The following NRG2 variants were observed in gnomAD, a reference collection of about 807,000 sequenced individuals.
NRG2 encodes neuregulin 2, also known as pro-neuregulin-2, membrane-bound isoform.
Under a neutral mutation model 73.9 loss-of-function variants are expected in NRG2, and 27 were observed. The ratio of observed to expected loss-of-function variants is 0.37; its 90% CI spans 0.27 to 0.50. The LOEUF (loss-of-function observed/expected upper bound fraction) is 0.50, where lower values mean the gene tolerates loss of function less well. Ranked by LOEUF, NRG2 falls within the 20% of genes least tolerant of loss-of-function variation. The probability of loss-of-function intolerance (pLI) is 0.96; values close to 1 mark genes in which losing one functional copy is unlikely to be tolerated. For missense variants in NRG2, 1,126 were observed against 1,210.1 expected (o/e 0.93, Z 1.03); for synonymous variants, 532 against 541.0 (o/e 0.98, Z 0.23).
At chr5:139,989,964 A>G (rs1010497145) in intron 1 of NRG2, among the ~76,000 whole-genome samples, 5 of 150,284 alleles carry the variant, frequency 3.3e-5, no homozygotes, top group Non-Finnish European at 5.9e-5. Flanking sequence ...AATTTTTTGT[A>G]TTTTTAGTAG....
intron 5 of NRG2, chr5:139,859,961 GAGAC>G (rs745516214): frequency 1.4e-5 from 23 of 1,587,548 alleles, no homozygotes; most frequent in Non-Finnish European, 2.0e-5. Context: ...TGGAGGGAGA[GAGAC>G]AGGTGGGTGG....
intron 3 of NRG2, among the ~76,000 whole-genome samples, chr5:139,879,493 A>AAC (rs1194532347): frequency 6.6e-6 from 1 of 152,210 alleles, no homozygotes; most frequent in African/African-American, 2.4e-5. Context: ...GAATGAGGCC[A>AAC]ACACATAGTG....
At chr5:139,876,869 G>C (rs1035216717) in intron 3 of NRG2, among the ~76,000 whole-genome samples, 2 of 151,964 alleles carry the variant, frequency 1.3e-5, no homozygotes, top group African/African-American at 4.8e-5. Flanking sequence ...CCAGAGCTCA[G>C]AGCAAGATCT....
intron 3 of NRG2, among the ~76,000 whole-genome samples, chr5:139,879,384 C>A (rs1326632617): frequency 6.6e-6 from 1 of 152,200 alleles, no homozygotes; most frequent in African/African-American, 2.4e-5. Flanking sequence ...AGAGACGCTG[C>A]AGTGGGTTGG....
chr5:139,862,627 A>G (rs575103331), intron 5 of NRG2, among the ~76,000 whole-genome samples: 51 of 152,266 alleles, frequency 3.3e-4, no homozygotes, highest in Non-Finnish European at 6.9e-4. Context: ...TGCCTGGACA[A>G]GGAGGCAGTG....
At chr5:139,900,616 C>T (rs771218935) in intron 1 of NRG2, among the ~76,000 whole-genome samples, 56 of 152,154 alleles carry the variant, frequency 3.7e-4, no homozygotes, top group Non-Finnish European at 6.0e-4. Context: ...TTCCTAAGCC[C>T]CTCTTCCATA....
chr5:140,018,551 C>T (rs1374801333), intron 1 of NRG2, among the ~76,000 whole-genome samples: 1 of 152,206 alleles, frequency 6.6e-6, no homozygotes, highest in Non-Finnish European at 1.5e-5. Context: ...AGCCTGGAAT[C>T]GAGGGCAGTT....
rs1339072505 is a variant in NRG2 at position 139,852,210 on chromosome 5, AG to A, written c.1544+221del. ...CCCTGACTATTTCCTGGTGCTCCCG[AG>A]GGAAGAAGGGAGCCAGCCATGTTAT... On this transcript the variant is annotated intron_variant, in intron 8 of 9. Coordinates refer to ENST00000361474, the MANE Select transcript of NRG2 (RefSeq NM_004883.3). The surrounding 1 kb of genome is among the most constrained non-coding windows in gnomAD (Gnocchi z 4.4). 6.6e-6 allele frequency among the ~76,000 whole-genome samples: 1 copy of A among 152,116 alleles called. No individual in the cohort carries two copies. Among genetic ancestry groups the A allele is most frequent in the Non-Finnish European group, 1.5e-5 (1 of 68,016 alleles).
chr5:139,856,068 G>A lies in NRG2; in HGVS notation c.1190-290C>T, dbSNP rs191257395. ...AGAGCACATGAGTGGAAAATGCAGG[G>A]GAATGGGAAGGGATGGAGTGGAGGC... is the stretch of plus-strand genomic sequence containing the variant. On this transcript the variant is annotated intron_variant, in intron 5 of 9. Coordinates refer to ENST00000361474, the MANE Select transcript of NRG2 (RefSeq NM_004883.3). The surrounding 1 kb of genome is among the most constrained non-coding windows in gnomAD (Gnocchi z 4.2). 2 of 430,494 alleles carry A rather than the reference G, an allele frequency of 4.6e-6. No individual in the cohort carries two copies. The highest frequency in any genetic ancestry group is 3.9e-5 in the African/African-American group (2 of 50,970). 26.7% of individuals were successfully genotyped at this position (430,494 alleles called of 1,614,324 possible). A position where few individuals can be genotyped will look rare whatever the true frequency, so the allele number is the denominator to read the frequency against.
intron 1 of NRG2, among the ~76,000 whole-genome samples, chr5:139,969,671 A>G (rs1755831479): frequency 6.6e-6 from 1 of 152,236 alleles, no homozygotes; most frequent in African/African-American, 2.4e-5. Flanking sequence ...CAGAGATTTC[A>G]GAGACAAATA....
chr5:140,043,064 C>A lies in NRG2; in HGVS notation c.6G>T (p.Arg2=). M[R]QVCCSALPPP... is the part of the protein sequence containing the mutation. ...GCGGCAGCGCTGAGCAGCAAACCTG[C>A]CGCATCTGGCCAGGCCATTTGGGGG... The change falls in exon 1 of 10, where the codon CGG becomes CGT. Residue 2 remains arginine (R), a synonymous_variant. Coordinates refer to ENST00000361474, the MANE Select transcript of NRG2 (RefSeq NM_004883.3). The surrounding 1 kb of genome is among the most constrained non-coding windows in gnomAD (Gnocchi z 6.7). 1 of 1,559,734 alleles carries A rather than the reference C, an allele frequency of 6.4e-7. No homozygotes were observed. Among genetic ancestry groups the A allele is most frequent in the Non-Finnish European group, 8.6e-7 (1 of 1,161,376 alleles).
chr5:139,911,890 T>C (rs2127196625), intron 1 of NRG2, among the ~76,000 whole-genome samples: 1 of 152,324 alleles, frequency 6.6e-6, no homozygotes, highest in East Asian at 1.9e-4. Flanking sequence ...ATTTATATAA[T>C]GACATAATGA....
intron 1 of NRG2, among the ~76,000 whole-genome samples, chr5:139,966,799 T>C (rs1308978515): frequency 1.3e-5 from 2 of 151,518 alleles, no homozygotes; most frequent in Non-Finnish European, 2.9e-5. Context: ...AACAGAAAGG[T>C]AAAAGAATCT....
chr5:139,941,223 A>G (rs1279894542), intron 1 of NRG2, among the ~76,000 whole-genome samples: 3 of 152,220 alleles, frequency 2.0e-5, no homozygotes, highest in African/African-American at 2.4e-5. Flanking sequence ...TTTCGACTTC[A>G]TGGGCCAAAA....
At chr5:139,995,060 T>C (rs1296557835) in intron 1 of NRG2, among the ~76,000 whole-genome samples, 1 of 152,206 alleles carries the variant, frequency 6.6e-6, no homozygotes, top group Non-Finnish European at 1.5e-5. Context: ...AAATGTGTGA[T>C]AAAAGGGGTA....
rs1408375221 is a variant in NRG2 at position 139,856,870 on chromosome 5, A to G, written c.1190-1092T>C. On this transcript the variant is annotated intron_variant, in intron 5 of 9. Transcript: ENST00000361474. The surrounding 1 kb of genome is among the most constrained non-coding windows in gnomAD (Gnocchi z 4.2). The stretch of plus-strand genomic sequence containing the variant: ...CAGCAACAGGTGCACACACACGCCC[A>G]TGCCCACTGACACACAGTTGGATGG... 6.6e-6 allele frequency among the ~76,000 whole-genome samples: 1 copy of G among 152,166 alleles called. No individual in the cohort carries two copies. Among genetic ancestry groups the G allele is most frequent in the African/African-American group, 2.4e-5 (1 of 41,434 alleles).
chr5:140,029,662 TG>T (rs1760976685), intron 1 of NRG2, among the ~76,000 whole-genome samples: 1 of 111,174 alleles, frequency 9.0e-6, no homozygotes, highest in Non-Finnish European at 1.9e-5. Flanking sequence ...CACTCCAGCC[TG>T]GGTGACAGAG....
intron 1 of NRG2, among the ~76,000 whole-genome samples, chr5:139,921,789 T>C (rs1751684420): frequency 6.6e-6 from 1 of 152,112 alleles, no homozygotes; most frequent in African/African-American, 2.4e-5. Flanking sequence ...TGGCCAGGCG[T>C]GGTGGCTCAC....
Position 140,017,620 on chromosome 5 carries a change from A to AAAT in NRG2, c.700+24749_700+24750insATT, listed in dbSNP as rs374206975. 2.1e-3 allele frequency among the ~76,000 whole-genome samples: 325 copies of AAAT among 152,336 alleles called. 2 individuals carry two copies. Among genetic ancestry groups the AAAT allele is most frequent in the African/African-American group, 7.4e-3 (307 of 41,580 alleles). On this transcript the variant is annotated intron_variant, in intron 1 of 9. Transcript: ENST00000361474. ...ATATGGGCAATGAAACATGTACATTAGGGTCAGGAACTAGAAGTTCACTTA... is the reference window on the plus strand; with the variant it reads ...ATATGGGCAATGAAACATGTACATTAAATGGGTCAGGAACTAGAAGTTCACTTA...
Sources: gnomAD v4.1 joint callset for allele counts (sites outside exome capture counted in the v4.1 genomes callset) on GRCh38, gnomAD v4.1.1 for gene constraint, Gnocchi (gnomAD v3.1) non-coding constraint, MANE v1.5 for transcripts, NCBI Gene and HGNC (gene_info 2026-07-23, HGNC 2026-07-21) for gene names.